Variants in PHLDB2 observed in about 807,000 individuals in gnomAD.
The protein encoded by PHLDB2 is pleckstrin homology-like domain family B member 2.
Under a neutral mutation model 123.6 loss-of-function variants are expected in PHLDB2, and 71 were observed. The ratio of observed to expected loss-of-function variants is 0.57; its 90% CI spans 0.47 to 0.70. The LOEUF (loss-of-function observed/expected upper bound fraction) is 0.70. PHLDB2 is among the 30% of genes least tolerant of loss of function. The pLI is 0.00. For synonymous variants in PHLDB2, 547 were observed against 541.6 expected (o/e 1.01, Z -0.14); for missense variants, 1,446 against 1,519.5 (o/e 0.95, Z 0.80).
chr3:111,774,217 G>A (rs1373910956), intron 1 of PHLDB2, among the ~76,000 whole-genome samples: 2 of 152,184 alleles, frequency 1.3e-5, no homozygotes, highest in South Asian at 2.1e-4. Context: ...CTAGGTAGGG[G>A]TCTCACTCAA....
At chr3:111,801,328 A>C (rs983446916) in intron 1 of PHLDB2, among the ~76,000 whole-genome samples, 2 of 152,124 alleles carry the variant, frequency 1.3e-5, no homozygotes, top group African/African-American at 4.8e-5. Flanking sequence ...CCCTCCTCTA[A>C]TCTAAGTTTC....
intron 1 of PHLDB2, among the ~76,000 whole-genome samples, chr3:111,825,143 C>A (rs1264875362): frequency 6.6e-6 from 1 of 152,174 alleles, no homozygotes; most frequent in Admixed American, 6.5e-5. Context: ...TTTGCTCAAA[C>A]CTACAAATTT....
At chr3:111,871,205 T>TA (rs1399397189) in intron 1 of PHLDB2, among the ~76,000 whole-genome samples, 3 of 152,238 alleles carry the variant, frequency 2.0e-5, no homozygotes, top group Non-Finnish European at 4.4e-5. Context: ...TGACAAGTAA[T>TA]ACGTTGCATA....
intron 1 of PHLDB2, among the ~76,000 whole-genome samples, chr3:111,868,132 G>A (rs1180175923): frequency 3.3e-5 from 5 of 151,808 alleles, no homozygotes; most frequent in East Asian, 1.9e-4. Context: ...CTGCCTCTCC[G>A]CCTCTGCCTC....
At chr3:111,943,470 A>G (rs2070056036) in intron 8 of PHLDB2, among the ~76,000 whole-genome samples, 1 of 152,310 alleles carries the variant, frequency 6.6e-6, no homozygotes, top group South Asian at 2.1e-4. Context: ...GCCTTGAGTA[A>G]GCAAAAATTT....
intron 1 of PHLDB2, among the ~76,000 whole-genome samples, chr3:111,866,014 A>ATTTTTTTTTTTTTTCTTTTTTTTTTTTTT (rs2065054204): frequency 1.7e-5 from 1 of 57,430 alleles, no homozygotes; most frequent in Non-Finnish European, 3.0e-5. Context: ...CCACCCACTC[A>ATTTTTTTTTTTTTTCTTTTTTTTTTTTTT]TTTTTTTTTT....
At chr3:111,748,884 T>C (rs1375675013) in intron 1 of PHLDB2, among the ~76,000 whole-genome samples, 2 of 152,070 alleles carry the variant, frequency 1.3e-5, no homozygotes, top group Non-Finnish European at 2.9e-5. Flanking sequence ...GCTACATTAG[T>C]TATATTTGTA....
intron 1 of PHLDB2, among the ~76,000 whole-genome samples, chr3:111,760,020 C>T (rs2059966906): frequency 6.6e-6 from 1 of 152,224 alleles, no homozygotes; most frequent in South Asian, 2.1e-4. Flanking sequence ...GTATTGGATT[C>T]AGGCTGTAGC....
chr3:111,921,778 A>C (rs2068520257), intron 5 of PHLDB2, among the ~76,000 whole-genome samples: 1 of 151,844 alleles, frequency 6.6e-6, no homozygotes, highest in African/African-American at 2.4e-5. Context: ...AATTTTTTGT[A>C]TTTTCAGTAG....
At chr3:111,864,265 T>A (rs1478306332) in intron 1 of PHLDB2, among the ~76,000 whole-genome samples, 2 of 152,188 alleles carry the variant, frequency 1.3e-5, no homozygotes, top group Non-Finnish European at 2.9e-5. Flanking sequence ...GTTTTTCAGA[T>A]GATGGGAGAG....
At chr3:111,941,119 G>C (rs1338190339) in intron 8 of PHLDB2, among the ~76,000 whole-genome samples, 1 of 152,112 alleles carries the variant, frequency 6.6e-6, no homozygotes, top group East Asian at 1.9e-4. Flanking sequence ...TGAATTAATT[G>C]GGTAGGTAGA....
At chr3:111,937,341 A>G (rs973652409) in intron 6 of PHLDB2, among the ~76,000 whole-genome samples, 2 of 152,212 alleles carry the variant, frequency 1.3e-5, no homozygotes, top group African/African-American at 4.8e-5. Context: ...GCATATAATT[A>G]TTTATCCAAC....
At chr3:111,793,316 G>T (rs2061009106) in intron 1 of PHLDB2, among the ~76,000 whole-genome samples, 2 of 151,980 alleles carry the variant, frequency 1.3e-5, no homozygotes, top group African/African-American at 2.4e-5. Context: ...GGCCACCACT[G>T]CCCCAGGCTT....
rs565592558 is a variant in PHLDB2 at position 111,969,231 on chromosome 3, G to A, written c.3316-459G>A. Among the ~76,000 whole-genome samples the A allele has an allele frequency of 4.6e-5, 7 of 152,262 alleles. No individual in the cohort carries two copies. In the South Asian group the frequency reaches 6.2e-4, roughly 14 times the overall value. On this transcript the variant is annotated intron_variant, in intron 15 of 17. Coordinates refer to ENST00000431670, the MANE Select transcript of PHLDB2 (RefSeq NM_001134438.2). The stretch of plus-strand genomic sequence containing the variant: ...AGCTTTGTGGGATCCTGTGGGGGCC[G>A]TACTTACTAAATAGTGTTCAATCAA...
intron 1 of PHLDB2, among the ~76,000 whole-genome samples, chr3:111,767,867 G>C (rs993127274): frequency 6.6e-6 from 1 of 152,174 alleles, no homozygotes; most frequent in Admixed American, 6.5e-5. Flanking sequence ...CTATAGAGAT[G>C]TTAATTTTTG....
At position 111,932,638 on chromosome 3, in the gene PHLDB2, A is replaced by AT. The variant is rs371254717; in HGVS notation, c.2130+250dup. Among the ~76,000 whole-genome samples the AT allele has an allele frequency of 8.4e-3, 1,263 of 151,200 alleles. 19 individuals are homozygous for AT. Among genetic ancestry groups the AT allele is most frequent in the African/African-American group, 0.028 (1,138 of 41,302 alleles). On this transcript the variant is annotated intron_variant, in intron 6 of 17. Coordinates refer to ENST00000431670, the MANE Select transcript of PHLDB2 (RefSeq NM_001134438.2). ...CTAATGCAAAACCATTTCTGGAGTC[A>AT]TTTTTTTTTGTGACAAAAGAAGCTA...
chr3:111,852,893 T>C (rs2108612945), intron 2 of PHLDB2, among the ~76,000 whole-genome samples: 1 of 152,214 alleles, frequency 6.6e-6, no homozygotes, highest in South Asian at 2.1e-4. Flanking sequence ...ATGTTCCAAA[T>C]AGATTTACAT....
Position 111,919,112 on chromosome 3 carries a change from T to A in PHLDB2, c.1760T>A (p.Leu587Ter), listed in dbSNP as rs770150546. The A allele has an allele frequency of 6.2e-7, 1 of 1,614,098 alleles. No homozygotes were observed. Among genetic ancestry groups the A allele is most frequent in the South Asian group, 1.1e-5 (1 of 91,082 alleles). The change falls in exon 4 of 18, where the codon TTG (leucine) becomes TAG (stop). Residue 587 changes from leucine to a stop codon, truncating the protein, a stop_gained. Coordinates refer to ENST00000431670, the MANE Select transcript of PHLDB2 (RefSeq NM_001134438.2). LOFTEE classifies it high-confidence loss of function. ...GISEEQRSQE[L>*]AAMEETRIVI... is the part of the protein sequence containing the mutation. ...AGTGAAGAACAGAGATCTCAGGAGT[T>A]GGCTGCAATGGAAGAAACCCGGATA... is the stretch of plus-strand genomic sequence containing the variant.
chr3:111,736,918 A>T (rs778881814), intron 1 of PHLDB2, among the ~76,000 whole-genome samples: 1 of 152,234 alleles, frequency 6.6e-6, no homozygotes, highest in Non-Finnish European at 1.5e-5. Flanking sequence ...TCTTCTAATC[A>T]GTTGTGTGCC....
Sources: allele counts gnomAD v4.1 joint callset (sites outside exome capture counted in the v4.1 genomes callset), GRCh38; gene constraint gnomAD v4.1.1; transcripts MANE v1.5; gene names NCBI Gene and HGNC (gene_info 2026-07-23, HGNC 2026-07-21).